The following DMD variants were observed in gnomAD, a reference collection of about 807,000 sequenced individuals.
DMD encodes the protein mutant dystrophin.
A neutral mutation model predicts 330.1 loss-of-function variants in DMD; 63 were observed. The ratio of observed to expected loss-of-function variants is 0.19; its 90% CI spans 0.16 to 0.24. The LOEUF (loss-of-function observed/expected upper bound fraction) is 0.24. Ranked by LOEUF, DMD falls within the 10% of genes least tolerant of loss-of-function variation. DMD has a pLI of 1.00. For missense variants in DMD, 3,344 were observed against 2,684.1 expected (o/e 1.25, Z -5.43); for synonymous variants, 1,223 against 959.8 (o/e 1.27, Z -5.07).
At chrX:31,724,491 T>C (rs976535667) in intron 52 of DMD, among the ~76,000 whole-genome samples, 2 of 111,945 alleles carry the variant, frequency 1.8e-5, no homozygotes, top group Non-Finnish European at 3.8e-5. Context: ...ATTCCTTTTC[T>C]TAAAATTTAT....
intron 52 of DMD, among the ~76,000 whole-genome samples, chrX:31,688,648 C>G (rs2082872148): frequency 9.0e-6 from 1 of 111,454 alleles, no homozygotes; most frequent in African/African-American, 3.3e-5. Flanking sequence ...ATACCAAAGC[C>G]TGGCAGAGAC....
intron 1 of DMD, among the ~76,000 whole-genome samples, chrX:33,044,998 A>G (rs1405394054): frequency 9.0e-6 from 1 of 111,342 alleles, no homozygotes; most frequent in African/African-American, 3.3e-5. Context: ...ACAAAAGGAT[A>G]GTTAGTAAAA....
intron 21 of DMD, among the ~76,000 whole-genome samples, chrX:32,483,292 A>G (rs2148569410): frequency 9.5e-6 from 1 of 104,994 alleles, no homozygotes; most frequent in African/African-American, 3.4e-5. Context: ...TAGCAGTGAA[A>G]AAGTTAGGAA....
chrX:32,542,935 A>C (rs1464060677), intron 17 of DMD, among the ~76,000 whole-genome samples: 2 of 111,932 alleles, frequency 1.8e-5, no homozygotes, highest in Non-Finnish European at 3.8e-5. Context: ...GGATGGCTTC[A>C]GGTAAATCAA....
At chrX:33,008,895 T>C (rs1245378559) in intron 2 of DMD, among the ~76,000 whole-genome samples, 56 of 86,618 alleles carry the variant, frequency 6.5e-4, no homozygotes, top group African/African-American at 2.0e-3. Context: ...TATACGTGTA[T>C]ATATACACAT....
At chrX:32,462,069 C>T (rs778420682) in intron 25 of DMD, among the ~76,000 whole-genome samples, 23 of 110,746 alleles carry the variant, frequency 2.1e-4, no homozygotes, top group Admixed American at 1.1e-3. Context: ...GCCTCTAACA[C>T]GTAAATTGAA....
intron 24 of DMD, among the ~76,000 whole-genome samples, chrX:32,464,163 T>G (rs1202211570): frequency 8.9e-6 from 1 of 111,906 alleles, no homozygotes; most frequent in Non-Finnish European, 1.9e-5. Context: ...TAATTTATCA[T>G]AAGAAATAAC....
intron 2 of DMD, among the ~76,000 whole-genome samples, chrX:32,866,738 GGGGT>G (rs2082529593): frequency 8.1e-5 from 3 of 36,863 alleles, no homozygotes; most frequent in African/African-American, 1.8e-4. Context: ...GGGGGGTGGG[GGGGT>G]GGGGGGGGGG....
chrX:32,546,660 AT>A (rs1312802411), intron 16 of DMD, among the ~76,000 whole-genome samples: 1 of 111,690 alleles, frequency 9.0e-6, no homozygotes, highest in Non-Finnish European at 1.9e-5. Flanking sequence ...GGACTGAAGG[AT>A]TTCCATTTTG....
intron 49 of DMD, among the ~76,000 whole-genome samples, chrX:31,824,728 T>C (rs1248952649): frequency 9.0e-6 from 1 of 111,412 alleles, no homozygotes; most frequent in African/African-American, 3.2e-5. Context: ...ATTTTGCTAA[T>C]CGGTTATTAA....
chrX:32,603,841 T>C (rs917524640), intron 12 of DMD, among the ~76,000 whole-genome samples: 12 of 110,870 alleles, frequency 1.1e-4, no homozygotes, highest in African/African-American at 3.6e-4. Context: ...TAACAAATAG[T>C]GAAACTGAAT....
intron 13 of DMD, among the ~76,000 whole-genome samples, chrX:32,584,584 C>A (rs190197447): frequency 2.7e-5 from 3 of 111,597 alleles, no homozygotes; most frequent in Non-Finnish European, 5.7e-5. Flanking sequence ...TTCTATCCAG[C>A]GATGAAAATT....
chrX:32,515,888 C>T (rs966986497), intron 18 of DMD, among the ~76,000 whole-genome samples: 1 of 111,442 alleles, frequency 9.0e-6, no homozygotes, highest in Non-Finnish European at 1.9e-5. Context: ...TAAATAAGTG[C>T]ATTTTGTTAA....
At chrX:32,364,808 T>C (rs1309947199) in intron 35 of DMD, 98 bp from the exon 36 acceptor site, 3 of 981,313 alleles carry the variant, frequency 3.1e-6, no homozygotes, top group Non-Finnish European at 4.3e-6. Flanking sequence ...AACAATAAAG[T>C]TTCATTGAGA....
intron 43 of DMD, among the ~76,000 whole-genome samples, chrX:32,253,619 T>C (rs1603629303): frequency 1.1e-5 from 1 of 94,672 alleles, no homozygotes; most frequent in Non-Finnish European, 2.0e-5. Context: ...CTAAAATTGA[T>C]TTAATCTTTT....
At chrX:32,952,998 C>T (rs2091340746) in intron 2 of DMD, among the ~76,000 whole-genome samples, 1 of 108,920 alleles carries the variant, frequency 9.2e-6, no homozygotes, top group South Asian at 4.0e-4. Flanking sequence ...AGTTGGGTGG[C>T]TTGGTGCATG....
In DMD at chrX:32,826,575, G is replaced by A. The variant is rs186523539; in HGVS notation, c.265-3188C>T. Among the ~76,000 whole-genome samples, 8 of 111,541 alleles carry A rather than the reference G, an allele frequency of 7.2e-5. No individual in the cohort carries two copies. In the East Asian group the frequency reaches 2.0e-3, roughly 28 times the overall value. ...AATTAATGAATCTAGAGTACGTTACGTCAAATGACATAAGCCAGGCACAGA... is the reference window on the plus strand; with the variant it reads ...AATTAATGAATCTAGAGTACGTTACATCAAATGACATAAGCCAGGCACAGA... On this transcript the variant is annotated intron_variant, in intron 4 of 78. Transcript: ENST00000357033.
At chrX:33,154,393 GA>G (rs996717279) in intron 1 of DMD, among the ~76,000 whole-genome samples, 6 of 111,268 alleles carry the variant, frequency 5.4e-5, no homozygotes, top group Non-Finnish European at 7.5e-5. Context: ...CGAGCACTAA[GA>G]AAAAAATTAG....
chrX:31,805,657 C>T (rs908512496), intron 50 of DMD, among the ~76,000 whole-genome samples: 1 of 111,935 alleles, frequency 8.9e-6, no homozygotes, highest in Non-Finnish European at 1.9e-5. Flanking sequence ...GATAGTGGAA[C>T]ACTCTTAAGA....
Sources: allele counts gnomAD v4.1 joint callset (sites outside exome capture counted in the v4.1 genomes callset), GRCh38; gene constraint gnomAD v4.1.1; transcripts MANE v1.5; gene names NCBI Gene and HGNC (gene_info 2026-07-23, HGNC 2026-07-21).